TNS1: variants seen among roughly 807,000 people sequenced by gnomAD.
The protein encoded by TNS1 is tensin-1.
Under a neutral mutation model 168.6 loss-of-function variants are expected in TNS1, and 62 were observed. The observed-to-expected ratio is 0.37, with a 90% CI of 0.30 to 0.45. The LOEUF is 0.45. TNS1 is among the 20% of genes least tolerant of loss of function. The probability of loss-of-function intolerance (pLI) is 1.00; values close to 1 mark genes in which losing one functional copy is unlikely to be tolerated. For synonymous variants in TNS1, 934 were observed against 933.2 expected (o/e 1.00, Z -0.02); for missense variants, 2,240 against 2,339.4 (o/e 0.96, Z 0.88).
In TNS1 at chr2:217,908,586, G is replaced by C. The variant is rs2888522; in HGVS notation, c.229-1335C>G. 9.9e-3 allele frequency among the ~76,000 whole-genome samples: 1,510 copies of C among 152,298 alleles called. 12 individuals carry two copies. Among genetic ancestry groups the C allele is most frequent in the Middle Eastern group, 0.031 (9 of 294 alleles). On this transcript the variant is annotated intron_variant, in intron 4 of 32. Coordinates refer to ENST00000682258, the MANE Select transcript of TNS1 (RefSeq NM_001387777.1). ...ACAGAATGATCCTCTAAAAGGTTCC[G>C]GCGTCAGGGAGGAGGAGTGGGCACA... is the stretch of plus-strand genomic sequence containing the variant.
intron 3 of TNS1, among the ~76,000 whole-genome samples, chr2:217,973,050 G>A (rs990542285): frequency 6.6e-6 from 1 of 152,162 alleles, no homozygotes; most frequent in African/African-American, 2.4e-5. Context: ...CAGCACATGT[G>A]CTAACATAAA....
intron 4 of TNS1, among the ~76,000 whole-genome samples, chr2:217,918,313 A>C (rs950507465): frequency 6.6e-6 from 1 of 152,204 alleles, no homozygotes; most frequent in Non-Finnish European, 1.5e-5. Flanking sequence ...GGGATGCAGA[A>C]GGAGGTGGTC....
At chr2:217,845,327 G>A (rs1946494976) in intron 19 of TNS1, among the ~76,000 whole-genome samples, 1 of 152,210 alleles carries the variant, frequency 6.6e-6, no homozygotes, top group African/African-American at 2.4e-5. Flanking sequence ...TGTAGACAGA[G>A]CAGAAAGAAG....
At chr2:217,840,476 G>C (rs1333481525) in intron 19 of TNS1, among the ~76,000 whole-genome samples, 1 of 152,272 alleles carries the variant, frequency 6.6e-6, no homozygotes, top group African/African-American at 2.4e-5. Context: ...CTCAGACTGG[G>C]AAATTGAGCT....
chr2:218,011,631 G>A (rs376861898), upstream of TNS1, among the ~76,000 whole-genome samples: 2 of 152,012 alleles, frequency 1.3e-5, no homozygotes, highest in East Asian at 3.9e-4. Context: ...CCCACTGTGT[G>A]GGCGGAGGCC....
In TNS1 at chr2:218,033,313, GTC is replaced by G. The variant is rs1958915438; in HGVS notation, c.156+505_156+506del. 6.6e-6 allele frequency among the ~76,000 whole-genome samples: 1 copy of G among 152,040 alleles called. No homozygotes were observed. Among genetic ancestry groups the G allele is most frequent in the Non-Finnish European group, 1.5e-5 (1 of 67,988 alleles). The stretch of plus-strand genomic sequence containing the variant: ...TGCCAGGTCAGCTCCCCACTTGCTA[GTC>G]TCTGAGACTTACCCAGCACAGAGAA... On this transcript the variant is annotated intron_variant, in intron 1 of 1. Transcript: ENST00000649572. The surrounding 1 kb of genome is among the most constrained non-coding windows in gnomAD (Gnocchi z 4.3).
chr2:217,893,709 GC>G, intron 9 of TNS1, 148 bp from the exon 10 acceptor site: 1 of 1,182,280 alleles, frequency 8.5e-7, no homozygotes, highest in Non-Finnish European at 1.2e-6. Context: ...CTGCCCACTG[GC>G]CAGCGAGGAG....
chr2:217,831,732 C>G (rs1376654684), intron 21 of TNS1, among the ~76,000 whole-genome samples, 185 bp from the exon 22 acceptor site: 1 of 152,160 alleles, frequency 6.6e-6, no homozygotes, highest in Non-Finnish European at 1.5e-5. Flanking sequence ...TACATTTGAA[C>G]AGTTTAAAGG....
intron 20 of TNS1, 58 bp from the exon 21 acceptor site, chr2:217,835,224 T>C (rs1945003338): frequency 6.6e-7 from 1 of 1,520,100 alleles, no homozygotes; most frequent in Admixed American, 1.8e-5. Context: ...AGATTTCCCC[T>C]TCAGATGACC....
intron 18 of TNS1, among the ~76,000 whole-genome samples, chr2:217,852,500 T>G (rs748208539): frequency 6.6e-6 from 1 of 152,176 alleles, no homozygotes; most frequent in Non-Finnish European, 1.5e-5. Context: ...CTTCCCCACT[T>G]AGACATGTTC....
In TNS1 at chr2:217,831,465, G is replaced by T; in HGVS notation, c.3363C>A (p.His1121Gln). 1.3e-6 allele frequency: 2 copies of T among 1,586,702 alleles called. No homozygotes were observed. The highest frequency in any genetic ancestry group is 8.6e-7 in the Non-Finnish European group (1 of 1,166,792). The change falls in exon 22 of 33, where the codon CAC (histidine) becomes CAA (glutamine). Residue 1121 changes from histidine (H) to glutamine (Q), a missense_variant. Around this residue, in one of 2 missense-constraint regions of TNS1, gnomAD observed 2,131 missense variants for 2,171.2 expected, o/e 0.98. Coordinates refer to ENST00000682258, the MANE Select transcript of TNS1 (RefSeq NM_001387777.1). ...KPHNPADILL[H>Q]PTGEPRSYVE... The stretch of plus-strand genomic sequence containing the variant: ...CTCTTCCCAACTCACCTCCTGTGGG[G>T]TGCAACAGGATGTCCGCTGGGTTGT...
chr2:217,972,300 T>C (rs996661220), intron 3 of TNS1, among the ~76,000 whole-genome samples: 2 of 152,148 alleles, frequency 1.3e-5, no homozygotes, highest in South Asian at 4.1e-4. Context: ...GCTTAAACAC[T>C]CCACTAGGCT....
intron 18 of TNS1, among the ~76,000 whole-genome samples, chr2:217,868,318 G>A (rs2125579937): frequency 6.6e-6 from 1 of 152,362 alleles, no homozygotes; most frequent in East Asian, 1.9e-4. Context: ...CTGACGACCA[G>A]TGCCAAGGAG....
chr2:217,938,404 C>A (rs966048794), intron 3 of TNS1, among the ~76,000 whole-genome samples: 20 of 152,178 alleles, frequency 1.3e-4, no homozygotes, highest in African/African-American at 4.8e-4. Flanking sequence ...AGGAGCCCTA[C>A]CCTTGCACGG....
chr2:217,947,291 G>C (rs1230245857), intron 3 of TNS1, among the ~76,000 whole-genome samples: 1 of 152,124 alleles, frequency 6.6e-6, no homozygotes, highest in East Asian at 1.9e-4. Flanking sequence ...ACTTGGGGGA[G>C]GGAGGGCAGG....
chr2:217,846,469 G>A (rs1043416733), intron 19 of TNS1, among the ~76,000 whole-genome samples: 7 of 152,096 alleles, frequency 4.6e-5, no homozygotes, highest in African/African-American at 1.7e-4. Flanking sequence ...TAGGAAAAGG[G>A]GTGGAGGACA....
chr2:217,961,262 G>C (rs201430585), intron 3 of TNS1, among the ~76,000 whole-genome samples: 471 of 131,312 alleles, frequency 3.6e-3, no homozygotes, highest in South Asian at 8.1e-3. Flanking sequence ...CACACACACA[G>C]AGAGAGAGAG....
chr2:217,870,727 T>C (rs1949699976), intron 18 of TNS1, among the ~76,000 whole-genome samples: 1 of 152,200 alleles, frequency 6.6e-6, no homozygotes, highest in Non-Finnish European at 1.5e-5. Flanking sequence ...CAAAGGCACA[T>C]TCACTCGGGA....
chr2:218,028,014 A>G (rs895314119), intron 1 of TNS1, among the ~76,000 whole-genome samples: 4 of 152,202 alleles, frequency 2.6e-5, no homozygotes, highest in Admixed American at 2.6e-4. Context: ...AGTTCCTGGG[A>G]AAGGATGCTG....
Sources: gnomAD v4.1 joint callset for allele counts (sites outside exome capture counted in the v4.1 genomes callset) on GRCh38, gnomAD v4.1.1 for gene constraint, gnomAD v4.1.1 regional missense constraint, Gnocchi (gnomAD v3.1) non-coding constraint, MANE v1.5 for transcripts, NCBI Gene and HGNC (gene_info 2026-07-23, HGNC 2026-07-21) for gene names.